Variants in EYS observed in about 807,000 individuals in gnomAD.
The protein encoded by EYS is protein eyes shut homolog.
EYS carries 250 observed loss-of-function variants against 282.1 expected under a neutral mutation model. The ratio of observed to expected loss-of-function variants is 0.89; its 90% CI spans 0.80 to 0.98. EYS has a LOEUF of 0.98. Ranked by LOEUF, EYS falls within the 50% of genes least tolerant of loss-of-function variation. The pLI is 0.00. For synonymous variants in EYS, 1,355 were observed against 1,282.9 expected (o/e 1.06, Z -1.20); for missense variants, 4,016 against 3,709.0 (o/e 1.08, Z -2.15).
In EYS at chr6:64,436,172, A is replaced by G; in HGVS notation, c.5927+2T>C. On this transcript the variant is annotated splice_donor_variant, in intron 28 of 42. Coordinates refer to ENST00000503581, the MANE Select transcript of EYS (RefSeq NM_001142800.2). LOFTEE classifies it high-confidence loss of function. ...TAACTGGAAAAGAAATAATTATCTT[A>G]CCTGATAAGCAGTGTATACTTTTGC... 1 of 1,474,594 alleles carries G rather than the reference A, an allele frequency of 6.8e-7. No homozygotes were observed. The highest frequency in any genetic ancestry group is 9.2e-7 in the Non-Finnish European group (1 of 1,091,064). 91.3% of individuals were successfully genotyped at this position (1,474,594 alleles called of 1,614,324 possible).
intron 35 of EYS, among the ~76,000 whole-genome samples, chr6:63,938,840 G>A (rs527811677): frequency 6.6e-6 from 1 of 152,332 alleles, no homozygotes; most frequent in East Asian, 1.9e-4. Flanking sequence ...TGAGTTGGAT[G>A]AGCACATATT....
rs1047532400 is a variant in EYS, at chr6:64,091,754, C to CT, written c.6425-9753dup. ...ATACAGCTTGGGATACTGACATTGT[C>CT]TTTTTTTTAATTATACTTTAAGTTT... On this transcript the variant is annotated intron_variant, in intron 31 of 42. Transcript: ENST00000503581. 3.3e-3 allele frequency among the ~76,000 whole-genome samples: 500 copies of CT among 151,798 alleles called. 1 individual carries two copies. Among genetic ancestry groups the CT allele is most frequent in the African/African-American group, 0.011 (476 of 41,420 alleles).
chr6:63,916,588 G>C (rs1764427631), intron 35 of EYS, among the ~76,000 whole-genome samples: 1 of 152,032 alleles, frequency 6.6e-6, no homozygotes. Flanking sequence ...GTTGTTTTGT[G>C]AGAGTTTTTT....
intron 35 of EYS, among the ~76,000 whole-genome samples, chr6:63,933,414 C>T (rs1198336409): frequency 6.6e-6 from 1 of 152,008 alleles, no homozygotes; most frequent in Non-Finnish European, 1.5e-5. Context: ...ACCATGTTGG[C>T]CAGGATGGTC....
intron 35 of EYS, among the ~76,000 whole-genome samples, chr6:63,965,598 T>C (rs568954028): frequency 2.0e-4 from 31 of 152,288 alleles, no homozygotes; most frequent in African/African-American, 6.5e-4. Context: ...GTATAAAAAC[T>C]TATTCATGAG....
At chr6:65,108,705 G>A (rs1775117067) in intron 12 of EYS, among the ~76,000 whole-genome samples, 1 of 152,028 alleles carries the variant, frequency 6.6e-6, no homozygotes, top group Non-Finnish European at 1.5e-5. Context: ...CTTCATGTTT[G>A]ACTAACTTCT....
At chr6:64,734,478 C>T (rs1225861739) in intron 22 of EYS, among the ~76,000 whole-genome samples, 2 of 152,062 alleles carry the variant, frequency 1.3e-5, no homozygotes, top group East Asian at 3.9e-4. Flanking sequence ...GAAAATATTG[C>T]TATAAGAGCA....
chr6:65,558,130 C>T (rs1768891185), intron 2 of EYS, among the ~76,000 whole-genome samples: 1 of 152,160 alleles, frequency 6.6e-6, no homozygotes, highest in Non-Finnish European at 1.5e-5. Context: ...TCTTTCCTGC[C>T]TAGAAACCTG....
At position 64,577,614 on chromosome 6, in the gene EYS, C is replaced by A. The variant is rs534921899; in HGVS notation, c.5644+12609G>T. ...AGTTAAGTAGAGTTCCTCAATTCAA[C>A]GTGAAGATACAAATCAATTTCCAAG... On this transcript the variant is annotated intron_variant, in intron 26 of 42. Transcript: ENST00000503581. Among the ~76,000 whole-genome samples, 49 of 152,072 alleles carry A rather than the reference C, an allele frequency of 3.2e-4. No individual in the cohort carries two copies. The South Asian group carries it at 7.9e-3, about 24-fold the overall frequency.
At chr6:64,965,456 T>TA (rs1770061789) in intron 14 of EYS, among the ~76,000 whole-genome samples, 2 of 152,010 alleles carry the variant, frequency 1.3e-5, no homozygotes, top group South Asian at 2.1e-4. Flanking sequence ...TGCATTGATA[T>TA]ATTTGTAAAT....
intron 22 of EYS, among the ~76,000 whole-genome samples, chr6:64,792,856 A>ATGTGTGTGTGTGTGTGTGTG (rs758915162): frequency 0.094 from 6,664 of 70,892 alleles, 161 homozygotes; most frequent in Non-Finnish European, 0.13. Flanking sequence ...CGATCTTGAC[A>ATGTGTGTGTGTGTGTGTGTG]CGTGTGTGTG....
chr6:64,668,138 C>G (rs778875994), intron 22 of EYS, among the ~76,000 whole-genome samples: 2 of 152,118 alleles, frequency 1.3e-5, no homozygotes, highest in African/African-American at 4.8e-5. Context: ...CAACCTGAAA[C>G]TAGCAAATAT....
chr6:65,331,674 C>T (rs190456632), intron 11 of EYS: 46 of 979,670 alleles, frequency 4.7e-5, no homozygotes, highest in African/African-American at 8.8e-5. Context: ...CATCACAAAA[C>T]GAAGGATAAT....
intron 41 of EYS, among the ~76,000 whole-genome samples, chr6:63,751,548 T>C (rs1769340819): frequency 2.0e-5 from 3 of 152,230 alleles, no homozygotes; most frequent in Admixed American, 2.0e-4. Flanking sequence ...TTTTCTTCCA[T>C]CCTTAACTAT....
chr6:64,892,780 C>T (rs1767329150), intron 18 of EYS, among the ~76,000 whole-genome samples: 1 of 152,022 alleles, frequency 6.6e-6, no homozygotes, highest in Non-Finnish European at 1.5e-5. Context: ...CGTAAATTCT[C>T]TAGTAGAATA....
At chr6:65,486,058 T>G (rs1765771435) in intron 5 of EYS, among the ~76,000 whole-genome samples, 2 of 152,238 alleles carry the variant, frequency 1.3e-5, no homozygotes, top group African/African-American at 4.8e-5. Context: ...TTGTTAAGTA[T>G]GTGGCATAAT....
chr6:64,180,529 T>C (rs950941870), intron 31 of EYS, among the ~76,000 whole-genome samples: 1 of 152,156 alleles, frequency 6.6e-6, no homozygotes, highest in South Asian at 2.1e-4. Context: ...AACACCTCAG[T>C]AGTGAGCATA....
At chr6:64,864,862 C>A (rs1386704804) in intron 19 of EYS, among the ~76,000 whole-genome samples, 1 of 151,566 alleles carries the variant, frequency 6.6e-6, no homozygotes, top group Non-Finnish European at 1.5e-5. Context: ...ATGGTGAAAC[C>A]CCGTCTCTAC....
intron 33 of EYS, among the ~76,000 whole-genome samples, chr6:64,047,864 G>A (rs972961671): frequency 4.6e-5 from 7 of 152,076 alleles, no homozygotes; most frequent in Non-Finnish European, 1.0e-4. Context: ...GCAGAGGCTG[G>A]TCTCCTCAGA....
Sources: allele counts gnomAD v4.1 joint callset (sites outside exome capture counted in the v4.1 genomes callset), GRCh38; gene constraint gnomAD v4.1.1; transcripts MANE v1.5; gene names NCBI Gene and HGNC (gene_info 2026-07-23, HGNC 2026-07-21).